STAB2: variants seen among roughly 807,000 people sequenced by gnomAD.
STAB2 encodes the protein stabilin-2.
STAB2 carries 288 observed loss-of-function variants against 338.1 expected under a neutral mutation model. The observed-to-expected ratio is 0.85, with a 90% confidence interval of 0.77 to 0.94. The LOEUF is 0.94. Among genes scored for constraint, STAB2 ranks in the 40% least tolerant of loss-of-function variants. STAB2 has a pLI of 0.00. For synonymous variants in STAB2, 1,202 were observed against 1,193.3 expected (o/e 1.01, Z -0.15); for missense variants, 3,141 against 3,210.1 (o/e 0.98, Z 0.52).
At chr12:103,668,487 C>T in intron 19 of STAB2, 156 bp from the exon 20 acceptor site, 2 of 648,694 alleles carry the variant, frequency 3.1e-6, no homozygotes, top group Non-Finnish European at 5.5e-6. Flanking sequence ...TGTCCAAGCT[C>T]TGATGTAGAC....
chr12:103,663,403 T>C (rs1276426233), intron 18 of STAB2, among the ~76,000 whole-genome samples: 2 of 72,252 alleles, frequency 2.8e-5, no homozygotes, highest in South Asian at 9.2e-4. Context: ...TTCTGGATTC[T>C]GGGGGCTCCA....
intron 12 of STAB2, among the ~76,000 whole-genome samples, chr12:103,653,335 A>T (rs557294172): frequency 2.0e-5 from 3 of 152,342 alleles, no homozygotes; most frequent in South Asian, 4.1e-4. Context: ...TTCTAAGCAA[A>T]GTATGGGGAT....
chr12:103,695,949 C>A, intron 33 of STAB2, 105 bp downstream of exon 33: 2 of 1,057,324 alleles, frequency 1.9e-6, no homozygotes, highest in Non-Finnish European at 2.9e-6. Flanking sequence ...CATCCTTGTC[C>A]ATAGCCACAT....
chr12:103,703,817 C>T (rs151200629), intron 35 of STAB2, among the ~76,000 whole-genome samples: 13 of 152,312 alleles, frequency 8.5e-5, no homozygotes, highest in Middle Eastern at 3.4e-3. Context: ...ATCGGACACT[C>T]GTTATATGCC....
At chr12:103,730,331 A>G (rs1475740493) in intron 49 of STAB2, 75 bp downstream of exon 49, 2 of 1,502,766 alleles carry the variant, frequency 1.3e-6, no homozygotes, top group East Asian at 2.3e-5. Flanking sequence ...ATTCGAAGTC[A>G]TCATTTTGAA....
At chr12:103,717,522 A>C (rs1880414769) in intron 43 of STAB2, among the ~76,000 whole-genome samples, 1 of 152,212 alleles carries the variant, frequency 6.6e-6, no homozygotes, top group Non-Finnish European at 1.5e-5. Flanking sequence ...TAAAAAGAAA[A>C]AAAACGGTAT....
intron 61 of STAB2, 49 bp from the exon 62 acceptor site, chr12:103,755,253 C>T (rs778859495): frequency 2.5e-6 from 4 of 1,597,942 alleles, no homozygotes; most frequent in Non-Finnish European, 3.4e-6. Flanking sequence ...AGTGATGCCA[C>T]AACACATGAA....
At chr12:103,591,250 C>T (rs902982003) in intron 2 of STAB2, among the ~76,000 whole-genome samples, 19 of 152,068 alleles carry the variant, frequency 1.2e-4, no homozygotes, top group African/African-American at 4.6e-4. Flanking sequence ...TCTGGGAGGC[C>T]GAGATGGGAG....
chr12:103,642,069 G>A (rs989682422), intron 9 of STAB2, among the ~76,000 whole-genome samples: 5 of 152,166 alleles, frequency 3.3e-5, no homozygotes, highest in Non-Finnish European at 7.3e-5. Context: ...CTCCCCCTGG[G>A]GTGACCTTAG....
At chr12:103,636,112 C>A (rs1039222277) in intron 6 of STAB2, among the ~76,000 whole-genome samples, 72 of 151,772 alleles carry the variant, frequency 4.7e-4, no homozygotes, top group Admixed American at 6.6e-4. Context: ...TTTGTTACAT[C>A]TGTATACATG....
chr12:103,685,225 A>T (rs1248393741), intron 27 of STAB2, 141 bp downstream of exon 27: 1 of 774,586 alleles, frequency 1.3e-6, no homozygotes. Context: ...CACAGATGAC[A>T]TACATGCTCT....
chr12:103,691,276 A>T (rs1285485263), intron 30 of STAB2, among the ~76,000 whole-genome samples: 1 of 152,254 alleles, frequency 6.6e-6, no homozygotes. Flanking sequence ...CATGGGCTAC[A>T]GTCAAAAATG....
chr12:103,720,338 A>G (rs1156997434), intron 44 of STAB2, among the ~76,000 whole-genome samples: 3 of 152,150 alleles, frequency 2.0e-5, no homozygotes, highest in Non-Finnish European at 4.4e-5. Context: ...AATTAACTCT[A>G]TTGCAAGATT....
intron 5 of STAB2, among the ~76,000 whole-genome samples, chr12:103,623,634 G>C (rs1957337706): frequency 6.6e-6 from 1 of 152,190 alleles, no homozygotes; most frequent in African/African-American, 2.4e-5. Flanking sequence ...CTCCAAAAAG[G>C]AGCACAACAC....
At chr12:103,748,919 C>T in intron 58 of STAB2, 44 bp from the exon 59 acceptor site, 1 of 1,580,546 alleles carries the variant, frequency 6.3e-7, no homozygotes, top group Non-Finnish European at 8.6e-7. Flanking sequence ...GCCCTAGTTC[C>T]ACAGAAGGTG....
intron 33 of STAB2, among the ~76,000 whole-genome samples, chr12:103,697,434 A>G (rs753082302): frequency 6.6e-6 from 1 of 152,230 alleles, no homozygotes; most frequent in Non-Finnish European, 1.5e-5. Context: ...CACAGAATGA[A>G]ACTTCAGACA....
Position 103,718,734 on chromosome 12 carries a change from G to A in STAB2, c.4683+893G>A, listed in dbSNP as rs1454043739. Reference sequence around the variant, plus strand: ...AGTAATGAGCTTATTATAACTCAAGGTATTTAACTATAGGAATGAAGCAAC... The same window carrying A: ...AGTAATGAGCTTATTATAACTCAAGATATTTAACTATAGGAATGAAGCAAC... On this transcript the variant is annotated intron_variant, in intron 44 of 68. Transcript: ENST00000388887. Among the ~76,000 whole-genome samples, 6 of 152,280 alleles carry A rather than the reference G, an allele frequency of 3.9e-5. No individual in the cohort carries two copies. The East Asian group carries it at 1.2e-3, about 29-fold the overall frequency.
intron 40 of STAB2, among the ~76,000 whole-genome samples, chr12:103,711,752 T>G (rs1256350704): frequency 1.3e-5 from 2 of 152,196 alleles, no homozygotes; most frequent in African/African-American, 4.8e-5. Context: ...AAATGCCCAC[T>G]GTTACCCCAG....
chr12:103,755,541 C>T lies in STAB2; in HGVS notation c.6881-71C>T, dbSNP rs1566080909. On this transcript the variant is annotated intron_variant, in intron 62 of 68. Transcript: ENST00000388887. ...CAATCCTCAGCCTGGCCAGTCACTC[C>T]CCAAGCAGAAGCAGTGCAGCCCTGG... 16 of 1,609,204 alleles carry T rather than the reference C, an allele frequency of 9.9e-6. No individual in the cohort carries two copies. The East Asian group carries it at 3.3e-4, about 34-fold the overall frequency.
Sources: allele counts gnomAD v4.1 joint callset (sites outside exome capture counted in the v4.1 genomes callset), GRCh38; gene constraint gnomAD v4.1.1; transcripts MANE v1.5; gene names NCBI Gene and HGNC (gene_info 2026-07-23, HGNC 2026-07-21).